The following MTG1 variants were observed in gnomAD, a reference collection of about 807,000 sequenced individuals.
MTG1 encodes mitochondrial ribosome-associated GTPase 1.
In MTG1, 30 loss-of-function variants were observed where a neutral mutation model predicts 39.5. That is an observed-to-expected ratio of 0.76 (90% CI 0.57 to 1.03). MTG1 has a LOEUF of 1.03. Ranked by LOEUF, MTG1 falls within the 50% of genes least tolerant of loss-of-function variation. The probability of loss-of-function intolerance (pLI) is 0.00; values close to 1 mark genes in which losing one functional copy is unlikely to be tolerated. For missense variants in MTG1, 513 were observed against 447.4 expected (o/e 1.15, Z -1.32); for synonymous variants, 217 against 179.0 (o/e 1.21, Z -1.69).
rs113840809 is a variant in MTG1, at chr10:133,399,630, G to A, written c.511+11G>A. On this transcript the variant is annotated intron_variant, in intron 6 of 10. Coordinates refer to ENST00000317502, the MANE Select transcript of MTG1 (RefSeq NM_138384.4). ...AGCACCTCAGGAAAGGTACTGGCGC[G>A]TGCGGCTGATCACCTCAGGAAAGGT... The A allele has an allele frequency of 7.7e-4, 1,237 of 1,612,820 alleles. 12 individuals carry two copies. The African/African-American group carries it at 0.014, about 18-fold the overall frequency.
rs561640378 is a variant in MTG1, at chr10:133,399,525, G to A, written c.421-4G>A. On this transcript the variant is annotated splice_region_variant and splice_polypyrimidine_tract_variant and intron_variant, in intron 5 of 10. Transcript: ENST00000317502. ...CCCTGTGACCCCTCTCTCTGCCTGC[G>A]CAGAACCTGGAGTACTGTATCATGG... 2.8e-4 allele frequency: 459 copies of A among 1,613,986 alleles called. 4 individuals carry two copies. In the South Asian group the frequency reaches 4.7e-3, roughly 16 times the overall value.
intron 9 of MTG1, among the ~76,000 whole-genome samples, chr10:133,415,307 T>C (rs1850109255): frequency 6.6e-6 from 1 of 152,270 alleles, no homozygotes; most frequent in Non-Finnish European, 1.5e-5. Flanking sequence ...TGATTTTACT[T>C]CTGTCTGAAG....
chr10:133,396,025 A>G (rs1849778381), intron 2 of MTG1, 138 bp from the exon 3 acceptor site: 8 of 879,750 alleles, frequency 9.1e-6, no homozygotes, highest in Admixed American at 1.9e-5. Context: ...AACTGTTTAA[A>G]TGTTCCTGCC....
At chr10:133,417,990 C>T (rs1022145268) in intron 9 of MTG1, among the ~76,000 whole-genome samples, 1 of 152,172 alleles carries the variant, frequency 6.6e-6, no homozygotes, top group African/African-American at 2.4e-5. Context: ...CATCAAGCTA[C>T]CAATGACTTT....
chr10:133,399,059 G>A, intron 4 of MTG1, 111 bp from the exon 5 acceptor site: 1 of 1,192,342 alleles, frequency 8.4e-7, no homozygotes, highest in Admixed American at 1.8e-5. Context: ...TAACGGATAT[G>A]TGAAAGTGGA....
chr10:133,403,723 G>T (rs748956213), intron 9 of MTG1, among the ~76,000 whole-genome samples: 27 of 152,182 alleles, frequency 1.8e-4, no homozygotes, highest in Admixed American at 3.3e-4. Context: ...AGATAAAGCT[G>T]CTGTGAACAT....
At chr10:133,396,987 A>C (rs1015419085) in intron 3 of MTG1, among the ~76,000 whole-genome samples, 2 of 152,184 alleles carry the variant, frequency 1.3e-5, no homozygotes, top group Non-Finnish European at 2.9e-5. Flanking sequence ...CCCTTTCCCC[A>C]GGGGAGTTTA....
At chr10:133,401,321 T>C (rs1849871118) in intron 6 of MTG1, 2 of 483,580 alleles carry the variant, frequency 4.1e-6, no homozygotes, top group South Asian at 3.6e-5. Flanking sequence ...AAACAAATTA[T>C]AGCCTTGGGA....
intron 9 of MTG1, among the ~76,000 whole-genome samples, chr10:133,404,444 A>G (rs1027105015): frequency 1.3e-4 from 20 of 151,036 alleles, no homozygotes; most frequent in African/African-American, 4.6e-4. Flanking sequence ...TTTTTCTAAT[A>G]TATTCTGGAT....
chr10:133,396,115 T>C, intron 2 of MTG1, 48 bp from the exon 3 acceptor site: 1 of 1,560,974 alleles, frequency 6.4e-7, no homozygotes, highest in Middle Eastern at 1.7e-4. Flanking sequence ...GAAAAAAAGT[T>C]GGTTGGCTGG....
rs145673810 is a variant in MTG1, at chr10:133,402,252, CGGGGCTGGGGCT to C, written c.670+23_670+34del. On this transcript the variant is annotated splice_region_variant and intron_variant, in intron 8 of 10. Transcript: ENST00000317502. The surrounding 1 kb of genome is among the most constrained non-coding windows in gnomAD (Gnocchi z 4.7). ...CTGAAGCTGGCCCTGTGTGGTGAGC[CGGGGCTGGGGCT>C]GGGGCTGGGGCTGGGACCGGGGCCC... 6.1e-5 allele frequency: 80 copies of C among 1,308,200 alleles called. No homozygotes were observed. In the Middle Eastern group the frequency reaches 7.6e-4, roughly 12 times the overall value. 81.0% of individuals were successfully genotyped at this position (1,308,200 alleles called of 1,614,324 possible).
At chr10:133,409,612 G>T (rs1018304710) in intron 9 of MTG1, among the ~76,000 whole-genome samples, 1 of 151,252 alleles carries the variant, frequency 6.6e-6, no homozygotes, top group African/African-American at 2.5e-5. Context: ...CTACGGAGAG[G>T]GGGTGTTGAA....
chr10:133,396,760 C>G (rs928369243), intron 3 of MTG1, among the ~76,000 whole-genome samples: 54 of 152,072 alleles, frequency 3.6e-4, no homozygotes, highest in African/African-American at 1.2e-3. Context: ...CTAGGAAAAA[C>G]CAGGCCATAC....
chr10:133,415,904 G>A (rs779904836), intron 9 of MTG1, among the ~76,000 whole-genome samples: 6 of 151,748 alleles, frequency 4.0e-5, no homozygotes, highest in African/African-American at 4.8e-5. Context: ...TATCAGGCAC[G>A]TGGGCCTCAG....
At chr10:133,398,178 A>G (rs1849816616) in intron 3 of MTG1, among the ~76,000 whole-genome samples, 1 of 152,252 alleles carries the variant, frequency 6.6e-6, no homozygotes, top group Admixed American at 6.5e-5. Flanking sequence ...GATGATTAAC[A>G]GCACTGATGT....
rs1849841175 is a variant in MTG1 at position 133,399,585 on chromosome 10, C to T, written c.477C>T (p.Leu159=). ...IGVPNVGKSS[L]INSLRRQHLR... is the part of the protein sequence containing the mutation. ...TCCCCAACGTGGGCAAGTCCTCCCTCATCAACTCCCTCCGGAGGCAGCACC... is the reference window on the plus strand; with the variant it reads ...TCCCCAACGTGGGCAAGTCCTCCCTTATCAACTCCCTCCGGAGGCAGCACC... Residue 159 remains leucine (L), a synonymous_variant, in exon 6 of 11, where the codon CTC becomes CTT. Coordinates refer to ENST00000317502, the MANE Select transcript of MTG1 (RefSeq NM_138384.4). 1.2e-6 allele frequency: 2 copies of T among 1,614,090 alleles called. No homozygotes were observed. The highest frequency in any genetic ancestry group is 8.5e-7 in the Non-Finnish European group (1 of 1,180,034).
chr10:133,406,665 CTTTTTTTTT>C (rs34249527), intron 9 of MTG1, among the ~76,000 whole-genome samples: 1 of 122,964 alleles, frequency 8.1e-6, no homozygotes, highest in Non-Finnish European at 1.6e-5. Flanking sequence ...AGATTTAAGT[CTTTTTTTTT>C]TTTTTTTTTG....
At position 133,402,358 on chromosome 10, in the gene MTG1, C is replaced by G; in HGVS notation, c.670+113C>G. 1 of 1,264,280 alleles carries G rather than the reference C, an allele frequency of 7.9e-7. No individual in the cohort carries two copies. 78.3% of individuals were successfully genotyped at this position (1,264,280 alleles called of 1,614,324 possible). A position where few individuals can be genotyped will look rare whatever the true frequency, so the allele number is the denominator to read the frequency against. ...GACGGGAGTTGTTACTGCCTTTGAC[C>G]TGGTTGCTGCCAGACCTTCCTCGAA... On this transcript the variant is annotated intron_variant, in intron 8 of 10. Coordinates refer to ENST00000317502, the MANE Select transcript of MTG1 (RefSeq NM_138384.4). This position sits in a 1 kb window ranked among gnomAD's most constrained non-coding sequence, Gnocchi z 4.7.
Position 133,419,463 on chromosome 10 carries a change from C to T in MTG1, c.753-17C>T, listed in dbSNP as rs1850191889. ...CAGTGCTGGGCCCCCTGGTGCTGACCTGCAGCCTATGTGCAGGTACGTGCA... is the reference window on the plus strand; with the variant it reads ...CAGTGCTGGGCCCCCTGGTGCTGACTTGCAGCCTATGTGCAGGTACGTGCA... On this transcript the variant is annotated splice_polypyrimidine_tract_variant and intron_variant, in intron 9 of 10. Coordinates refer to ENST00000317502, the MANE Select transcript of MTG1 (RefSeq NM_138384.4). 1.3e-6 allele frequency: 2 copies of T among 1,574,694 alleles called. No homozygotes were observed. Among genetic ancestry groups the T allele is most frequent in the Admixed American group, 3.7e-5 (2 of 54,174 alleles).
Sources: gnomAD v4.1 joint callset for allele counts (sites outside exome capture counted in the v4.1 genomes callset) on GRCh38, gnomAD v4.1.1 for gene constraint, Gnocchi (gnomAD v3.1) non-coding constraint, MANE v1.5 for transcripts, NCBI Gene and HGNC (gene_info 2026-07-23, HGNC 2026-07-21) for gene names.